Variants in PDZRN4 observed in about 807,000 individuals in gnomAD.
The protein encoded by PDZRN4 is PDZ domain containing ring finger 4.
In PDZRN4, 70 loss-of-function variants were observed where a neutral mutation model predicts 99.0. The observed-to-expected ratio is 0.71, with a 90% CI of 0.58 to 0.86. PDZRN4 has a LOEUF of 0.86. Among genes scored for constraint, PDZRN4 ranks in the 40% least tolerant of loss-of-function variants. The pLI is 0.00. For synonymous variants in PDZRN4, 551 were observed against 501.6 expected (o/e 1.10, Z -1.32); for missense variants, 1,474 against 1,331.2 (o/e 1.11, Z -1.67).
chr12:41,262,436 G>A (rs894828381), intron 3 of PDZRN4, among the ~76,000 whole-genome samples: 2 of 152,158 alleles, frequency 1.3e-5, no homozygotes, highest in Non-Finnish European at 2.9e-5. Flanking sequence ...AGTAAGTCAA[G>A]GTTTGTGATT....
intron 3 of PDZRN4, among the ~76,000 whole-genome samples, chr12:41,233,374 G>A (rs1261976916): frequency 6.6e-6 from 1 of 152,146 alleles, no homozygotes; most frequent in Non-Finnish European, 1.5e-5. Flanking sequence ...GTTGGAGTCA[G>A]TGTGGCGATT....
chr12:41,472,248 C>A (rs947612614), intron 3 of PDZRN4, among the ~76,000 whole-genome samples: 11 of 152,096 alleles, frequency 7.2e-5, no homozygotes. Context: ...GGTGATCCAC[C>A]CACCTTGGCC....
chr12:41,513,549 A>G (rs1938344867), intron 5 of PDZRN4, among the ~76,000 whole-genome samples: 1 of 152,090 alleles, frequency 6.6e-6, no homozygotes, highest in Admixed American at 6.6e-5. Context: ...TTAACAATGC[A>G]CCCATCGTAA....
chr12:41,346,767 G>C (rs1951857824), intron 3 of PDZRN4, among the ~76,000 whole-genome samples: 1 of 152,016 alleles, frequency 6.6e-6, no homozygotes. Context: ...CTAGTTTTAG[G>C]ACATTTTTGT....
At chr12:41,392,243 T>G (rs576267996) in intron 3 of PDZRN4, among the ~76,000 whole-genome samples, 5 of 152,188 alleles carry the variant, frequency 3.3e-5, no homozygotes, top group Non-Finnish European at 7.3e-5. Context: ...CAATGATTCT[T>G]ATGTTTCTTT....
intron 3 of PDZRN4, among the ~76,000 whole-genome samples, chr12:41,461,914 C>A (rs934176943): frequency 1.3e-5 from 2 of 152,088 alleles, no homozygotes; most frequent in African/African-American, 4.8e-5. Flanking sequence ...TCTCACCCAA[C>A]CCCCCATGCC....
chr12:41,368,087 G>A (rs779908562), intron 3 of PDZRN4, among the ~76,000 whole-genome samples: 23 of 151,880 alleles, frequency 1.5e-4, no homozygotes, highest in Non-Finnish European at 3.1e-4. Flanking sequence ...TCTCTTCTTG[G>A]TCAAAAAGCC....
intron 3 of PDZRN4, among the ~76,000 whole-genome samples, chr12:41,355,452 A>C (rs977831147): frequency 2.0e-5 from 3 of 152,036 alleles, no homozygotes; most frequent in African/African-American, 4.8e-5. Context: ...TTAACTCTTT[A>C]ATTACAATGA....
At chr12:41,286,750 G>A (rs1031836033) in intron 3 of PDZRN4, among the ~76,000 whole-genome samples, 3 of 152,106 alleles carry the variant, frequency 2.0e-5, no homozygotes, top group Non-Finnish European at 4.4e-5. Flanking sequence ...GGGCAGAGAG[G>A]CAGATTTCAT....
intron 3 of PDZRN4, among the ~76,000 whole-genome samples, chr12:41,330,007 C>A (rs1951732514): frequency 6.6e-6 from 1 of 152,054 alleles, no homozygotes; most frequent in African/African-American, 2.4e-5. Context: ...TTATAGCATA[C>A]AGAGATAATG....
intron 3 of PDZRN4, among the ~76,000 whole-genome samples, chr12:41,312,198 AT>A (rs774126779): frequency 1.1e-4 from 17 of 151,034 alleles, no homozygotes; most frequent in African/African-American, 3.4e-4. Flanking sequence ...TAGGGTTTCT[AT>A]TTTTTTCTGA....
rs115158831 is a variant in PDZRN4 at position 41,573,700 on chromosome 12, G to T, written c.2921G>T (p.Ser974Ile). ...MRSRLECLKE[S>I]PQSGSEGKKE... ...AGCAGGTTAGAGTGTCTCAAGGAGA[G>T]CCCTCAGAGCGGCAGTGAGGGCAAG... Residue 974 changes from serine to isoleucine, a missense_variant, in exon 10 of 10, where the codon AGC becomes ATC. Ser to Ile is a moderately radical substitution (Grantham distance 142). Transcript: ENST00000402685. 4.3e-6 allele frequency: 7 copies of T among 1,613,812 alleles called. No individual in the cohort carries two copies. The highest frequency in any genetic ancestry group is 5.1e-6 in the Non-Finnish European group (6 of 1,179,972).
chr12:41,481,601 C>A (rs1228166229), intron 3 of PDZRN4, among the ~76,000 whole-genome samples: 2 of 152,080 alleles, frequency 1.3e-5, no homozygotes, highest in Admixed American at 6.6e-5. Context: ...CATTTGAAAA[C>A]ATGTTCCTTA....
In PDZRN4 at chr12:41,321,999, G is replaced by T. The variant is rs537331731; in HGVS notation, c.843+127811G>T. On this transcript the variant is annotated intron_variant, in intron 3 of 9. Coordinates refer to ENST00000402685, the MANE Select transcript of PDZRN4 (RefSeq NM_001164595.2). Reference sequence around the variant, plus strand: ...TAAAACTGGTTCTTAACACACCTCTGGGCTGGTGCACCAATGTTAAGATTT... The same window carrying T: ...TAAAACTGGTTCTTAACACACCTCTTGGCTGGTGCACCAATGTTAAGATTT... 7.4e-4 allele frequency among the ~76,000 whole-genome samples: 113 copies of T among 151,976 alleles called. 1 individual carries two copies. The South Asian group carries it at 0.017, about 23-fold the overall frequency.
chr12:41,209,000 G>A (rs1443035281), intron 3 of PDZRN4, among the ~76,000 whole-genome samples: 2 of 151,882 alleles, frequency 1.3e-5, no homozygotes, highest in Admixed American at 6.6e-5. Context: ...TGCTTAACAT[G>A]GTTAATTTCT....
At chr12:41,518,780 C>T (rs929596252) in intron 5 of PDZRN4, among the ~76,000 whole-genome samples, 2 of 151,726 alleles carry the variant, frequency 1.3e-5, no homozygotes, top group Non-Finnish European at 2.9e-5. Flanking sequence ...AGTGAGACCC[C>T]GTATCTACAA....
chr12:41,393,579 T>C (rs975961745), intron 3 of PDZRN4, among the ~76,000 whole-genome samples: 1 of 152,214 alleles, frequency 6.6e-6, no homozygotes, highest in African/African-American at 2.4e-5. Context: ...ATTAAAATGG[T>C]AACTGTTCTA....
chr12:41,486,173 T>C (rs1255926880), intron 3 of PDZRN4, among the ~76,000 whole-genome samples: 2 of 152,136 alleles, frequency 1.3e-5, no homozygotes, highest in Non-Finnish European at 2.9e-5. Context: ...GACAGAGAAA[T>C]TGTAAAAGAC....
chr12:41,541,236 A>T (rs910963665), intron 5 of PDZRN4, among the ~76,000 whole-genome samples: 2 of 151,490 alleles, frequency 1.3e-5, no homozygotes, highest in Non-Finnish European at 2.9e-5. Context: ...AGCCAGCCCT[A>T]CAACTCTTAA....
Sources: gnomAD v4.1 joint callset for allele counts (sites outside exome capture counted in the v4.1 genomes callset) on GRCh38, gnomAD v4.1.1 for gene constraint, MANE v1.5 for transcripts, NCBI Gene and HGNC (gene_info 2026-07-23, HGNC 2026-07-21) for gene names.